The following SCFD2 variants were observed in gnomAD, a reference collection of about 807,000 sequenced individuals.
SCFD2 encodes sec1 family domain containing 2, also known as sec1 family domain-containing protein 2.
SCFD2 carries 54 observed loss-of-function variants against 58.9 expected under a neutral mutation model. That is an observed-to-expected ratio of 0.92 (90% CI 0.74 to 1.15). SCFD2 has a LOEUF of 1.15. Among genes scored for constraint, SCFD2 ranks in the 50% most tolerant of loss-of-function variants. The pLI is 0.00. For synonymous variants in SCFD2, 321 were observed against 335.9 expected, an observed-to-expected ratio of 0.96 and a Z score of 0.49; for missense variants, 805 against 836.6, an observed-to-expected ratio of 0.96 and a Z score of 0.47.
chr4:53,002,150 A>G (rs1319852357), intron 5 of SCFD2, among the ~76,000 whole-genome samples: 1 of 152,196 alleles, frequency 6.6e-6, no homozygotes, highest in Middle Eastern at 3.2e-3. Flanking sequence ...AGAGAAAGGC[A>G]CCAAGAGAGG....
intron 4 of SCFD2, among the ~76,000 whole-genome samples, chr4:53,202,153 T>C (rs1267828876): frequency 6.6e-6 from 1 of 152,080 alleles, no homozygotes; most frequent in Non-Finnish European, 1.5e-5. Flanking sequence ...GTTTTTATGG[T>C]TTTAGGTCTA....
chr4:52,921,384 G>C (rs1039970459), intron 5 of SCFD2, among the ~76,000 whole-genome samples: 5 of 152,166 alleles, frequency 3.3e-5, no homozygotes, highest in Admixed American at 6.5e-5. Context: ...ATCAAACACA[G>C]GGGGACTTAA....
At chr4:52,970,293 C>A (rs1721064950) in intron 5 of SCFD2, among the ~76,000 whole-genome samples, 1 of 152,210 alleles carries the variant, frequency 6.6e-6, no homozygotes, top group South Asian at 2.1e-4. Context: ...ACAGACAGCA[C>A]CTGGAAAATC....
chr4:53,207,036 T>C (rs546569161), intron 4 of SCFD2, among the ~76,000 whole-genome samples: 90 of 152,070 alleles, frequency 5.9e-4, no homozygotes, highest in Middle Eastern at 3.4e-3. Context: ...TGGTGGCAGG[T>C]ATGGCATGGC....
intron 5 of SCFD2, among the ~76,000 whole-genome samples, chr4:52,926,056 G>A (rs577374923): frequency 1.7e-4 from 26 of 152,100 alleles, no homozygotes; most frequent in African/African-American, 6.0e-4. Context: ...TCTGTACACC[G>A]CAGGGAGCAC....
At chr4:53,301,072 T>C (rs1329217884) in intron 3 of SCFD2, among the ~76,000 whole-genome samples, 1 of 152,042 alleles carries the variant, frequency 6.6e-6, no homozygotes, top group Non-Finnish European at 1.5e-5. Flanking sequence ...ATTCAAAAGC[T>C]AGCAGAAGGC....
chr4:53,226,782 CACATATAGGTAAAG>C (rs759509453), intron 4 of SCFD2, among the ~76,000 whole-genome samples: 12 of 152,104 alleles, frequency 7.9e-5, no homozygotes, highest in Non-Finnish European at 1.8e-4. Context: ...GATGAGGTAA[CACATATAGGTAAAG>C]AAATGACCCA....
rs958160660 is a variant in SCFD2, at chr4:52,935,556, C to T, written c.1562-14686G>A. ...ACTTTGATTGTTCTACATATACCTTCTGAACCAGCCCTCCCCTACGGTATG... is the reference window on the plus strand; with the variant it reads ...ACTTTGATTGTTCTACATATACCTTTTGAACCAGCCCTCCCCTACGGTATG... On this transcript the variant is annotated intron_variant, in intron 5 of 8. Transcript: ENST00000401642. Among the ~76,000 whole-genome samples, 4 of 152,334 alleles carry T rather than the reference C, an allele frequency of 2.6e-5. No individual in the cohort carries two copies. The South Asian group carries it at 8.3e-4, about 32-fold the overall frequency.
intron 2 of SCFD2, among the ~76,000 whole-genome samples, chr4:53,351,443 T>C (rs1215824732): frequency 6.6e-6 from 1 of 152,260 alleles, no homozygotes; most frequent in Non-Finnish European, 1.5e-5. Context: ...CTTAACTTCA[T>C]ATCATTTCTA....
At chr4:52,944,550 C>A (rs939211121) in intron 5 of SCFD2, among the ~76,000 whole-genome samples, 2 of 152,166 alleles carry the variant, frequency 1.3e-5, no homozygotes, top group African/African-American at 4.8e-5. Flanking sequence ...AGATAGATGT[C>A]ATGACTCTTT....
chr4:53,177,366 C>A (rs1473421975), intron 4 of SCFD2, among the ~76,000 whole-genome samples: 2 of 152,110 alleles, frequency 1.3e-5, no homozygotes, highest in Non-Finnish European at 2.9e-5. Flanking sequence ...GAAGTAAAGA[C>A]CATGCAGAAT....
chr4:53,100,842 T>C (rs1329261959), intron 5 of SCFD2, among the ~76,000 whole-genome samples: 5 of 152,266 alleles, frequency 3.3e-5, no homozygotes, highest in Non-Finnish European at 5.9e-5. Flanking sequence ...AGAAGTAAAT[T>C]GTAAAAAATG....
At chr4:53,300,500 G>C (rs1042373330) in intron 3 of SCFD2, among the ~76,000 whole-genome samples, 1 of 152,030 alleles carries the variant, frequency 6.6e-6, no homozygotes, top group Admixed American at 6.6e-5. Flanking sequence ...AATAATACTG[G>C]GAGACTTTAA....
intron 3 of SCFD2, among the ~76,000 whole-genome samples, chr4:53,292,057 CAAAACTAT>C (rs1244754152): frequency 1.3e-5 from 2 of 150,414 alleles, no homozygotes; most frequent in African/African-American, 4.9e-5. Flanking sequence ...ATGTAAAACC[CAAAACTAT>C]AAAACTATAA....
intron 5 of SCFD2, among the ~76,000 whole-genome samples, chr4:52,990,727 G>T (rs761210142): frequency 6.6e-6 from 1 of 151,922 alleles, no homozygotes; most frequent in Non-Finnish European, 1.5e-5. Context: ...TGTCTATCTT[G>T]TTCATCATGG....
intron 5 of SCFD2, among the ~76,000 whole-genome samples, chr4:53,012,376 T>TCACACA (rs572964297): frequency 3.3e-3 from 491 of 147,996 alleles, no homozygotes; most frequent in African/African-American, 0.012. Flanking sequence ...TCTCTCTCTC[T>TCACACA]CACACACACA....
chr4:52,998,243 A>G (rs1721787545), intron 5 of SCFD2, among the ~76,000 whole-genome samples: 1 of 152,230 alleles, frequency 6.6e-6, no homozygotes, highest in Non-Finnish European at 1.5e-5. Flanking sequence ...GATACTCAGT[A>G]AAGTCCTACT....
At chr4:52,999,076 TTTAA>T (rs1171087353) in intron 5 of SCFD2, among the ~76,000 whole-genome samples, 1 of 152,182 alleles carries the variant, frequency 6.6e-6, no homozygotes, top group Non-Finnish European at 1.5e-5. Context: ...GGAGTTGACT[TTTAA>T]AGAATTGAAT....
intron 5 of SCFD2, among the ~76,000 whole-genome samples, chr4:52,992,958 G>A (rs1721656351): frequency 6.6e-6 from 1 of 151,972 alleles, no homozygotes; most frequent in Non-Finnish European, 1.5e-5. Context: ...TAGAAAAGGG[G>A]GAAATGTGGG....
Sources: allele counts gnomAD v4.1 joint callset (sites outside exome capture counted in the v4.1 genomes callset), GRCh38; gene constraint gnomAD v4.1.1; transcripts MANE v1.5; gene names NCBI Gene and HGNC (gene_info 2026-07-23, HGNC 2026-07-21).